Variants in CSMD2 observed in about 807,000 individuals in gnomAD.
The protein encoded by CSMD2 is CUB and sushi domain-containing protein 2.
Under a neutral mutation model 398.5 loss-of-function variants are expected in CSMD2, and 130 were observed. The observed-to-expected ratio is 0.33, with a 90% CI of 0.28 to 0.38. The LOEUF (loss-of-function observed/expected upper bound fraction) is 0.38. Ranked by LOEUF, CSMD2 falls within the 10% of genes least tolerant of loss-of-function variation. The pLI is 1.00. For synonymous variants in CSMD2, 1,828 were observed against 1,908.5 expected, an observed-to-expected ratio of 0.96 and a Z score of 1.10; for missense variants, 3,829 against 4,764.9, an observed-to-expected ratio of 0.80 and a Z score of 5.78.
chr1:33,638,877 C>T (rs1047144113), intron 29 of CSMD2, among the ~76,000 whole-genome samples: 7 of 152,168 alleles, frequency 4.6e-5, no homozygotes, highest in Non-Finnish European at 7.3e-5. Context: ...ACTCTCTCAT[C>T]GACTCTATAT....
At chr1:34,068,094 GT>G (rs541338434) in intron 2 of CSMD2, among the ~76,000 whole-genome samples, 40 of 152,316 alleles carry the variant, frequency 2.6e-4, no homozygotes, top group African/African-American at 9.4e-4. Context: ...ATGACTTGAA[GT>G]TTGTTTCCCT....
At chr1:33,674,445 C>G (rs1219752149) in intron 25 of CSMD2, among the ~76,000 whole-genome samples, 1 of 152,104 alleles carries the variant, frequency 6.6e-6, no homozygotes, top group African/African-American at 2.4e-5. Context: ...CAGGAGCACC[C>G]AGATTCATAA....
chr1:33,939,285 T>G (rs993636205), intron 3 of CSMD2, among the ~76,000 whole-genome samples: 1 of 152,212 alleles, frequency 6.6e-6, no homozygotes, highest in African/African-American at 2.4e-5. Flanking sequence ...CTGGTTCACT[T>G]GGCATTTCCC....
intron 10 of CSMD2, among the ~76,000 whole-genome samples, chr1:33,797,450 A>T (rs1655085734): frequency 6.6e-6 from 1 of 152,204 alleles, no homozygotes; most frequent in East Asian, 1.9e-4. Context: ...TCCATTTCAC[A>T]AATGGGACAG....
Position 33,918,135 on chromosome 1 carries a change from G to A in CSMD2, c.879C>T (p.Tyr293=), listed in dbSNP as rs146472405. 4.7e-5 allele frequency: 76 copies of A among 1,614,052 alleles called. No homozygotes were observed. The highest frequency in any genetic ancestry group is 3.3e-4 in the East Asian group (15 of 44,872). ...VFIDFQLEDG[Y]DFLEVTGTEG... ...CTGTCCCAGTGACTTCCAGAAAGTC[G>A]TAACCATCCTCCAGCTGGAAGTCAA... Residue 293 remains tyrosine (Y), a synonymous_variant, in exon 5 of 71, where the codon TAC becomes TAT. Coordinates refer to ENST00000373381, the MANE Select transcript of CSMD2 (RefSeq NM_001281956.2).
At chr1:34,006,674 CTAA>C in intron 3 of CSMD2, among the ~76,000 whole-genome samples, 1 of 152,150 alleles carries the variant, frequency 6.6e-6, no homozygotes, top group Non-Finnish European at 1.5e-5. Flanking sequence ...TTTTTTCCAT[CTAA>C]TAACTAGCAC....
chr1:34,069,351 T>A (rs1350715581), intron 2 of CSMD2, among the ~76,000 whole-genome samples: 1 of 152,148 alleles, frequency 6.6e-6, no homozygotes, highest in Non-Finnish European at 1.5e-5. Flanking sequence ...TTTATGGTGG[T>A]GACCTCAGCA....
chr1:33,910,844 G>T (rs147794337), intron 5 of CSMD2, among the ~76,000 whole-genome samples: 32 of 152,218 alleles, frequency 2.1e-4, no homozygotes, highest in African/African-American at 6.8e-4. Context: ...AGCACTGCCT[G>T]AAGTCAAGTT....
rs10611040 is a variant in CSMD2, at chr1:33,590,595, T to TCACACACACACACACA, written c.6857-3443_6857-3428dup. Among the ~76,000 whole-genome samples, 331 of 137,720 alleles carry TCACACACACACACACA rather than the reference T, an allele frequency of 2.4e-3. 2 individuals are homozygous for TCACACACACACACACA. Among genetic ancestry groups the TCACACACACACACACA allele is most frequent in the Middle Eastern group, 7.5e-3 (2 of 266 alleles). The allele number at this position is 137,720 out of a possible 152,430, so 90.3% of individuals were successfully genotyped here. ...ACAGACACGCCCTCCCTATTTCCCATCACACACACACACACACACACACAC... is the reference window on the plus strand; with the variant it reads ...ACAGACACGCCCTCCCTATTTCCCATCACACACACACACACACACACACACACACACACACACACAC... On this transcript the variant is annotated intron_variant, in intron 44 of 70. Coordinates refer to ENST00000373381, the MANE Select transcript of CSMD2 (RefSeq NM_001281956.2).
Position 34,163,930 on chromosome 1 carries a change from TC to T in CSMD2, c.187+980del, listed in dbSNP as rs1447107198. ...CAGTAGCCTCCACAGGGGACCGGGTTCCCTCGAAGGTTCGCGTACCTCCCCC... is the reference window on the plus strand; with the variant it reads ...CAGTAGCCTCCACAGGGGACCGGGTTCCTCGAAGGTTCGCGTACCTCCCCC... On this transcript the variant is annotated intron_variant, in intron 1 of 70. Coordinates refer to ENST00000373381, the MANE Select transcript of CSMD2 (RefSeq NM_001281956.2). The surrounding 1 kb of genome is among the most constrained non-coding windows in gnomAD (Gnocchi z 5.4). Among the ~76,000 whole-genome samples, 1 of 152,006 alleles carries T rather than the reference TC, an allele frequency of 6.6e-6. No individual in the cohort carries two copies. The highest frequency in any genetic ancestry group is 2.4e-5 in the African/African-American group (1 of 41,394).
intron 12 of CSMD2, among the ~76,000 whole-genome samples, chr1:33,781,078 C>G (rs1385558786): frequency 6.6e-6 from 1 of 152,164 alleles, no homozygotes; most frequent in Admixed American, 6.5e-5. Flanking sequence ...CAGTGCCCAC[C>G]ACTGGAGTGA....
chr1:33,782,109 G>A (rs553023815), intron 12 of CSMD2, among the ~76,000 whole-genome samples: 3 of 152,220 alleles, frequency 2.0e-5, no homozygotes, highest in African/African-American at 7.2e-5. Flanking sequence ...GGGATGAGTG[G>A]AAATGATGGA....
In CSMD2 at chr1:33,616,164, G is replaced by A. The variant is rs543737393; in HGVS notation, c.6016+742C>T. ...GTCTGCTGATCTGCTCATCACTGCC[G>A]TAGCACAGGGTAAGGGACGAAGCCA... On this transcript the variant is annotated intron_variant, in intron 39 of 70. Coordinates refer to ENST00000373381, the MANE Select transcript of CSMD2 (RefSeq NM_001281956.2). Among the ~76,000 whole-genome samples, 34 of 152,280 alleles carry A rather than the reference G, an allele frequency of 2.2e-4. No homozygotes were observed. The South Asian group carries it at 6.6e-3, about 30-fold the overall frequency.
intron 3 of CSMD2, among the ~76,000 whole-genome samples, chr1:34,009,615 C>T (rs2148062572): frequency 6.6e-6 from 1 of 152,108 alleles, no homozygotes; most frequent in African/African-American, 2.4e-5. Context: ...CACTGCCCTC[C>T]CCACTGAAAC....
chr1:34,025,749 C>A (rs545679003), intron 3 of CSMD2, among the ~76,000 whole-genome samples: 73 of 152,292 alleles, frequency 4.8e-4, no homozygotes, highest in Non-Finnish European at 9.6e-4. Context: ...TAGCTCCCAT[C>A]CACCAAGTGA....
intron 15 of CSMD2, among the ~76,000 whole-genome samples, chr1:33,734,926 T>G (rs1184996234): frequency 2.0e-5 from 3 of 152,256 alleles, no homozygotes. Flanking sequence ...TTTAATTACT[T>G]TTATTATCAT....
chr1:33,677,924 C>T (rs1571194231), intron 25 of CSMD2, among the ~76,000 whole-genome samples: 1 of 122,584 alleles, frequency 8.2e-6, no homozygotes, highest in African/African-American at 3.3e-5. Context: ...CACGTGGACA[C>T]AGGAAGGGGA....
At chr1:33,693,885 C>G (rs1485142239) in intron 24 of CSMD2, among the ~76,000 whole-genome samples, 3 of 152,006 alleles carry the variant, frequency 2.0e-5, no homozygotes, top group African/African-American at 7.3e-5. Context: ...TGGAGAAACC[C>G]CATCTCTACT....
chr1:33,784,868 T>A (rs1262290246), intron 12 of CSMD2, among the ~76,000 whole-genome samples: 1 of 152,202 alleles, frequency 6.6e-6, no homozygotes, highest in Non-Finnish European at 1.5e-5. Flanking sequence ...GCATCATTAT[T>A]TCCATTGTAC....
Sources: allele counts gnomAD v4.1 joint callset (sites outside exome capture counted in the v4.1 genomes callset), GRCh38; gene constraint gnomAD v4.1.1; non-coding constraint Gnocchi (gnomAD v3.1); transcripts MANE v1.5; gene names NCBI Gene and HGNC (gene_info 2026-07-23, HGNC 2026-07-21).